Variants in DAB2 observed in about 807,000 individuals in gnomAD.
The protein encoded by DAB2 is disabled homolog 2.
Under a neutral mutation model 71.6 loss-of-function variants are expected in DAB2, and 28 were observed. That is an observed-to-expected ratio of 0.39 (90% CI 0.29 to 0.54). The LOEUF is 0.54. DAB2 is among the 20% of genes least tolerant of loss of function. The pLI is 0.68. For synonymous variants in DAB2, 345 were observed against 339.7 expected (o/e 1.02, Z -0.17); for missense variants, 867 against 928.8 (o/e 0.93, Z 0.86).
chr5:39,376,729 G>A lies in DAB2; in HGVS notation c.2058C>T (p.Phe686=). 1.2e-6 allele frequency: 2 copies of A among 1,614,082 alleles called. No homozygotes were observed. The highest frequency in any genetic ancestry group is 8.5e-7 in the Non-Finnish European group (1 of 1,180,018). Residue 686 remains phenylalanine (F), a synonymous_variant, in exon 12 of 15, where the codon TTC becomes TTT. Coordinates refer to ENST00000320816, the MANE Select transcript of DAB2 (RefSeq NM_001343.4). ...SGTLSAFASY[F]NSKVGIPQEN... is the part of the protein sequence containing the mutation. ...CCTGAGGAATGCCAACCTTGCTGTT[G>A]AAATAACTGGCAAAGGCACTCAAAG...
chr5:39,400,871 C>T (rs1755481250), intron 1 of DAB2, among the ~76,000 whole-genome samples: 2 of 152,104 alleles, frequency 1.3e-5, no homozygotes, highest in Non-Finnish European at 2.9e-5. Context: ...AATGTGCTTC[C>T]TTGTTTCTTT....
intron 1 of DAB2, among the ~76,000 whole-genome samples, chr5:39,421,903 A>T (rs1324054325): frequency 0.044 from 8 of 182 alleles, no homozygotes; most frequent in Non-Finnish European, 0.22. Flanking sequence ...CTACTACTAC[A>T]AAAAAAAAAA....
intron 1 of DAB2, among the ~76,000 whole-genome samples, chr5:39,396,581 T>C (rs1433952913): frequency 1.5e-5 from 2 of 132,220 alleles, no homozygotes; most frequent in Non-Finnish European, 3.2e-5. Context: ...TATTTTCTTA[T>C]CTCTCTATCT....
Position 39,377,154 on chromosome 5 carries a change from T to G in DAB2, c.1633A>C (p.Ile545Leu). ...GQPSGFSQPV[I>L]FGTSPAVSGW... ...GAAACAGCTGGACTTGTACCAAAAA[T>G]GACGGGCTGACTAAAACCTGAAGGT... Residue 545 changes from isoleucine to leucine, a missense_variant, in exon 12 of 15, where the codon ATT becomes CTT. By Grantham distance (5) the Ile-to-Leu change is conservative. Coordinates refer to ENST00000320816, the MANE Select transcript of DAB2 (RefSeq NM_001343.4). 1.2e-6 allele frequency: 2 copies of G among 1,614,068 alleles called. No homozygotes were observed. Among genetic ancestry groups the G allele is most frequent in the Non-Finnish European group, 1.7e-6 (2 of 1,180,004 alleles).
At chr5:39,416,789 T>C in intron 1 of DAB2, among the ~76,000 whole-genome samples, 1 of 152,094 alleles carries the variant, frequency 6.6e-6, no homozygotes, top group East Asian at 1.9e-4. Flanking sequence ...ATAAAGCTTT[T>C]GGGATCCGAA....
chr5:39,412,101 T>C (rs1416344765), intron 1 of DAB2, among the ~76,000 whole-genome samples: 2 of 152,170 alleles, frequency 1.3e-5, no homozygotes, highest in African/African-American at 4.8e-5. Context: ...TATTTGCACC[T>C]GGGTCCAAAA....
In DAB2 at chr5:39,381,481, C is replaced by A; in HGVS notation, c.1477G>T (p.Ala493Ser). 1.2e-6 allele frequency: 2 copies of A among 1,614,046 alleles called. No individual in the cohort carries two copies. The highest frequency in any genetic ancestry group is 1.7e-6 in the Non-Finnish European group (2 of 1,179,972). ...AGACCCACCAGGGGCCCCACTGGGG[C>A]AGGAGCACTTGTTTTGAAGAGATCC... Reference protein sequence around the residue: ...PLDLFKTSAPAPVGPLVGLGG... With the variant: ...PLDLFKTSAPSPVGPLVGLGG... The change falls in exon 11 of 15, where the codon GCC (alanine) becomes TCC (serine). Residue 493 changes from alanine to serine, a missense_variant. By Grantham distance (99) the Ala-to-Ser change is moderately conservative. Transcript: ENST00000320816.
intron 5 of DAB2, 138 bp from the exon 6 acceptor site, chr5:39,390,070 G>T: frequency 1.5e-6 from 1 of 648,310 alleles, no homozygotes; most frequent in South Asian, 2.2e-5. Context: ...GCTTATAGGG[G>T]ATCACCACCA....
At position 39,396,224 on chromosome 5, in the gene DAB2, ATTTAAAAC is replaced by A; in HGVS notation, c.-101-1811_-101-1804del. Among the ~76,000 whole-genome samples, 3 of 152,234 alleles carry A rather than the reference ATTTAAAAC, an allele frequency of 2.0e-5. No homozygotes were observed. The East Asian group carries it at 5.8e-4, about 29-fold the overall frequency. ...AGCCTCCCAAAGTGAAGGCAAAGAT[ATTTAAAAC>A]GACATACCTGCTAAGTGGTAGAACC... On this transcript the variant is annotated intron_variant, in intron 1 of 14. Coordinates refer to ENST00000320816, the MANE Select transcript of DAB2 (RefSeq NM_001343.4).
intron 1 of DAB2, among the ~76,000 whole-genome samples, chr5:39,414,995 T>C (rs1755815482): frequency 6.6e-6 from 1 of 152,124 alleles, no homozygotes; most frequent in South Asian, 2.1e-4. Flanking sequence ...GTCACAGTTA[T>C]AACTGATGCT....
chr5:39,408,454 C>T (rs897338652), intron 1 of DAB2: 2 of 152,224 alleles, frequency 1.3e-5, no homozygotes, highest in African/African-American at 2.4e-5. Context: ...ATGATCTATT[C>T]GAGTTGGGGA....
chr5:39,404,533 C>A (rs1370866005), intron 1 of DAB2, among the ~76,000 whole-genome samples: 1 of 147,184 alleles, frequency 6.8e-6, no homozygotes, highest in African/African-American at 2.5e-5. Context: ...TTCAAAGAAG[C>A]TTTATGCATC....
chr5:39,411,997 A>G (rs1486361130), intron 1 of DAB2, among the ~76,000 whole-genome samples: 2 of 152,108 alleles, frequency 1.3e-5, no homozygotes, highest in Non-Finnish European at 2.9e-5. Flanking sequence ...TTTAGAGTTA[A>G]TTATCAGAGG....
rs748973944 is a variant in DAB2, at chr5:39,383,067, C to T, written c.892G>A (p.Asp298Asn). 8.1e-6 allele frequency: 13 copies of T among 1,613,880 alleles called. No individual in the cohort carries two copies. The highest frequency in any genetic ancestry group is 2.2e-5 in the South Asian group (2 of 91,078). Residue 298 changes from aspartate (D) to asparagine (N), a missense_variant, in exon 10 of 15, where the codon GAT (aspartate) becomes AAT (asparagine). Coordinates refer to ENST00000320816, the MANE Select transcript of DAB2 (RefSeq NM_001343.4). ...PTPNPDPFRD[D>N]PFTQPDQSTP... ...GATTGGTCTGGCTGTGTGAAAGGAT[C>T]GTCACGGAAAGGATCAGGATTAGGG...
chr5:39,388,879 T>C (rs1437825321), intron 7 of DAB2, 27 bp from the exon 8 acceptor site: 3 of 1,586,698 alleles, frequency 1.9e-6, no homozygotes, highest in East Asian at 4.5e-5. Context: ...TATTTAAGGA[T>C]TTAGTTGAGC....
At chr5:39,376,603 A>C in intron 12 of DAB2, 47 bp downstream of exon 12, 1 of 1,591,990 alleles carries the variant, frequency 6.3e-7, no homozygotes, top group East Asian at 2.2e-5. Flanking sequence ...TCCATGTGGC[A>C]GTGGAGATAG....
intron 1 of DAB2, among the ~76,000 whole-genome samples, chr5:39,396,110 G>C (rs971192578): frequency 3.3e-5 from 5 of 151,710 alleles, no homozygotes; most frequent in African/African-American, 1.2e-4. Flanking sequence ...CACTACGCCC[G>C]GCTAAGTTTT....
rs372092834 is a variant in DAB2 at position 39,381,550 on chromosome 5, C to T, written c.1408G>A (p.Ala470Thr). 4 of 1,613,928 alleles carry T rather than the reference C, an allele frequency of 2.5e-6. No homozygotes were observed. In the African/African-American group the frequency reaches 4.0e-5, roughly 16 times the overall value. Residue 470 changes from alanine (A) to threonine (T), a missense_variant, in exon 11 of 15, where the codon GCG (alanine) becomes ACG (threonine). Around this residue, in one of 2 missense-constraint regions of DAB2, gnomAD observed 740 missense variants for 734.3 expected, o/e 1.01. Transcript: ENST00000320816. ...APPVSEPSGQASPTGQPTALQ... is the reference protein window; with the variant it reads ...APPVSEPSGQTSPTGQPTALQ... ...GCTGTAGGTTGTCCTGTGGGTGACG[C>T]CTGGCCTGAAGGTTCTGAGACGGGA...
intron 10 of DAB2, 52 bp from the exon 11 acceptor site, chr5:39,381,668 ATAC>A (rs1754984437): frequency 1.3e-6 from 2 of 1,599,600 alleles, no homozygotes; most frequent in African/African-American, 2.7e-5. Flanking sequence ...TAACAGTGAA[ATAC>A]AGCCTCATTT....
Sources: gnomAD v4.1 joint callset for allele counts (sites outside exome capture counted in the v4.1 genomes callset) on GRCh38, gnomAD v4.1.1 for gene constraint, gnomAD v4.1.1 regional missense constraint, MANE v1.5 for transcripts, NCBI Gene and HGNC (gene_info 2026-07-23, HGNC 2026-07-21) for gene names.